The following MPHOSPH8 variants were observed in gnomAD, a reference collection of about 807,000 sequenced individuals.
MPHOSPH8 encodes M-phase phosphoprotein, mpp.
Under a neutral mutation model 87.3 loss-of-function variants are expected in MPHOSPH8, and 45 were observed. That is an observed-to-expected ratio of 0.52 (90% CI 0.41 to 0.66). The LOEUF (loss-of-function observed/expected upper bound fraction) is 0.66. MPHOSPH8 is among the 30% of genes least tolerant of loss of function. MPHOSPH8 has a pLI of 0.00. For missense variants in MPHOSPH8, 883 were observed against 1,020.2 expected, an observed-to-expected ratio of 0.87 and a Z score of 1.83; for synonymous variants, 366 against 376.9, an observed-to-expected ratio of 0.97 and a Z score of 0.33.
At chr13:19,670,150 GGGGCCT>G in intron 11 of MPHOSPH8, 80 bp from the exon 12 acceptor site, 1 of 1,519,300 alleles carries the variant, frequency 6.6e-7, no homozygotes. Flanking sequence ...GCCCAGCTCA[GGGGCCT>G]GCTTCCATCT....
At chr13:19,649,894 TA>T in intron 4 of MPHOSPH8, 108 bp from the exon 5 acceptor site, 1 of 1,031,890 alleles carries the variant, frequency 9.7e-7, no homozygotes, top group Non-Finnish European at 1.4e-6. Context: ...TAGATGTTAG[TA>T]AAAATTAAGA....
In MPHOSPH8 at chr13:19,642,274, CTA is replaced by C; in HGVS notation, c.369+6_369+7del. On this transcript the variant is annotated splice_donor_5th_base_variant and intron_variant, in intron 2 of 13. Coordinates refer to ENST00000361479, the MANE Select transcript of MPHOSPH8 (RefSeq NM_017520.4). ...AGCAGTCAGGAAGGATATTCAGGTA[CTA>C]TGTTTTGTCTCATATTTGTTTTTAC... 6.3e-7 allele frequency: 1 copy of C among 1,578,676 alleles called. No individual in the cohort carries two copies. The highest frequency in any genetic ancestry group is 1.2e-5 in the South Asian group (1 of 85,038).
chr13:19,666,461 G>T lies in MPHOSPH8; in HGVS notation c.2056G>T (p.Val686Leu). 1 of 1,610,982 alleles carries T rather than the reference G, an allele frequency of 6.2e-7. No individual in the cohort carries two copies. Residue 686 changes from valine to leucine, a missense_variant, in exon 10 of 14, where the codon GTA (valine) becomes TTA (leucine). By Grantham distance (32) the Val-to-Leu change is conservative. Coordinates refer to ENST00000361479, the MANE Select transcript of MPHOSPH8 (RefSeq NM_017520.4). ...KRGNSDIVRLVIECGADCNIL... is the reference protein window; with the variant it reads ...KRGNSDIVRLLIECGADCNIL... ...AGGAAATTCAGACATCGTACGACTC[G>T]TAATTGAATGTGGAGCTGACTGCAA...
In MPHOSPH8 at chr13:19,666,415, C is replaced by T; in HGVS notation, c.2020-10C>T. 1 of 1,593,896 alleles carries T rather than the reference C, an allele frequency of 6.3e-7. No individual in the cohort carries two copies. Among genetic ancestry groups the T allele is most frequent in the South Asian group, 1.1e-5 (1 of 90,006 alleles). ...GCTAAGTAATTGTTACTCCTTTTTA[C>T]CTGACGTAGGCCTGTAAAAGAGGAA... is the stretch of plus-strand genomic sequence containing the variant. On this transcript the variant is annotated splice_polypyrimidine_tract_variant and intron_variant, in intron 9 of 13. Transcript: ENST00000361479.
chr13:19,667,215 A>G (rs2137541959), intron 10 of MPHOSPH8, among the ~76,000 whole-genome samples: 1 of 152,284 alleles, frequency 6.6e-6, no homozygotes, highest in African/African-American at 2.4e-5. Context: ...CTTTCTTTTT[A>G]ATAGACTTTA....
Position 19,655,370 on chromosome 13 carries a change from A to G in MPHOSPH8, c.1577-3625A>G, listed in dbSNP as rs551117868. On this transcript the variant is annotated intron_variant, in intron 5 of 13. Coordinates refer to ENST00000361479, the MANE Select transcript of MPHOSPH8 (RefSeq NM_017520.4). ...ATAGCCTCAGCTACTTGGATGGCTG[A>G]GACAGGAGGACCACTTGAGCCCGGA... is the stretch of plus-strand genomic sequence containing the variant. 1.2e-4 allele frequency among the ~76,000 whole-genome samples: 18 copies of G among 152,286 alleles called. No individual in the cohort carries two copies. In the South Asian group the frequency reaches 2.7e-3, roughly 23 times the overall value.
intron 1 of MPHOSPH8, among the ~76,000 whole-genome samples, chr13:19,640,203 C>T (rs921127365): frequency 6.6e-6 from 1 of 152,142 alleles, no homozygotes; most frequent in African/African-American, 2.4e-5. Flanking sequence ...GTTACTTTAT[C>T]TAGAAGCTTT....
In MPHOSPH8 at chr13:19,646,847, C is replaced by T. The variant is rs45461394; in HGVS notation, c.774C>T (p.Val258=). The stretch of plus-strand genomic sequence containing the variant: ...GAAAAACAAAAAAAGAAAAATTTGT[C>T]GAATCCCAGGTGGAATCTGAATCAA... ...ENRKTKKEKF[V]ESQVESESSV... Residue 258 remains valine, a synonymous_variant, in exon 3 of 14, where the codon GTC becomes GTT. Transcript: ENST00000361479. The T allele has an allele frequency of 3.4e-5, 54 of 1,601,290 alleles. No individual in the cohort carries two copies. The highest frequency in any genetic ancestry group is 8.9e-5 in the East Asian group (4 of 44,826).
intron 5 of MPHOSPH8, among the ~76,000 whole-genome samples, chr13:19,653,681 C>G (rs1874984893): frequency 6.6e-6 from 1 of 152,160 alleles, no homozygotes; most frequent in South Asian, 2.1e-4. Context: ...AGAGGAATTG[C>G]TGACTAGAAT....
At chr13:19,640,833 T>A (rs962063759) in intron 1 of MPHOSPH8, among the ~76,000 whole-genome samples, 1 of 152,176 alleles carries the variant, frequency 6.6e-6, no homozygotes, top group African/African-American at 2.4e-5. Flanking sequence ...TTTTGTTGTA[T>A]TTGTATGATG....
chr13:19,659,326 G>A (rs754417349), intron 7 of MPHOSPH8, 37 bp downstream of exon 7: 2 of 1,437,370 alleles, frequency 1.4e-6, no homozygotes, highest in South Asian at 2.4e-5. Flanking sequence ...AAAGGAAAAT[G>A]GAAAGTAACA....
chr13:19,638,608 CAAA>C (rs35969936), intron 1 of MPHOSPH8, among the ~76,000 whole-genome samples: 4 of 135,838 alleles, frequency 2.9e-5, no homozygotes, highest in African/African-American at 1.1e-4. Context: ...GACTCTGTCT[CAAA>C]AAAAAAAAAA....
Position 19,663,044 on chromosome 13 carries a change from T to G in MPHOSPH8, c.1937T>G (p.Phe646Cys). Residue 646 changes from phenylalanine to cysteine, a missense_variant, in exon 9 of 14, where the codon TTT becomes TGT. Transcript: ENST00000361479. Reference protein sequence around the residue: ...TALIHAAEKNFLTTVAILLEA... With the variant: ...TALIHAAEKNCLTTVAILLEA... ...TGCCTTTTTTTCTTTTCATAGAACTTTTTAACAACAGTGGCTATTCTTTTG... is the reference window on the plus strand; with the variant it reads ...TGCCTTTTTTTCTTTTCATAGAACTGTTTAACAACAGTGGCTATTCTTTTG... 1 of 1,612,062 alleles carries G rather than the reference T, an allele frequency of 6.2e-7. No homozygotes were observed. The highest frequency in any genetic ancestry group is 8.5e-7 in the Non-Finnish European group (1 of 1,178,216).
chr13:19,668,258 G>A, intron 10 of MPHOSPH8, 119 bp from the exon 11 acceptor site: 1 of 794,568 alleles, frequency 1.3e-6, no homozygotes, highest in Non-Finnish European at 2.0e-6. Context: ...GGAAAGCGGA[G>A]GCAGGCAGAG....
chr13:19,656,795 G>A (rs1229587395), intron 5 of MPHOSPH8, among the ~76,000 whole-genome samples: 1 of 151,538 alleles, frequency 6.6e-6, no homozygotes, highest in African/African-American at 2.4e-5. Context: ...GTTTTCAATA[G>A]CAACACATTA....
chr13:19,639,920 C>A (rs538189938), intron 1 of MPHOSPH8, among the ~76,000 whole-genome samples: 1 of 152,070 alleles, frequency 6.6e-6, no homozygotes. Context: ...GCCTGGCCAA[C>A]ATGCCGAAAC....
chr13:19,661,945 C>CTTTTTTT, intron 8 of MPHOSPH8, 107 bp downstream of exon 8: 1 of 1,037,248 alleles, frequency 9.6e-7, no homozygotes, highest in Non-Finnish European at 1.3e-6. Flanking sequence ...GGTCACATCG[C>CTTTTTTT]TTTTTTTTTT....
intron 9 of MPHOSPH8, among the ~76,000 whole-genome samples, chr13:19,665,975 G>A (rs1875792075): frequency 6.6e-6 from 1 of 152,126 alleles, no homozygotes; most frequent in African/African-American, 2.4e-5. Flanking sequence ...AGGTGTTTTT[G>A]AGATTCCTGA....
Position 19,648,448 on chromosome 13 carries a change from C to T in MPHOSPH8, c.1245C>T (p.Ser415=), listed in dbSNP as rs1874681307. ...ACAAAGAAACCAAAAGAAATGAATC[C>T]AAAGAAAAATATCAGAAAAGGCATG... ...EEDKETKRNE[S]KEKYQKRHDS... The change falls in exon 4 of 14, where the codon TCC becomes TCT. Residue 415 remains serine, a synonymous_variant. Coordinates refer to ENST00000361479, the MANE Select transcript of MPHOSPH8 (RefSeq NM_017520.4). 6.3e-7 allele frequency: 1 copy of T among 1,586,986 alleles called. No individual in the cohort carries two copies. Among genetic ancestry groups the T allele is most frequent in the African/African-American group, 1.4e-5 (1 of 73,366 alleles).
Sources: allele counts gnomAD v4.1 joint callset (sites outside exome capture counted in the v4.1 genomes callset), GRCh38; gene constraint gnomAD v4.1.1; transcripts MANE v1.5; gene names NCBI Gene and HGNC (gene_info 2026-07-23, HGNC 2026-07-21).